CNTN6: variants seen among roughly 807,000 people sequenced by gnomAD.
The protein encoded by CNTN6 is contactin-6.
Under a neutral mutation model 122.8 loss-of-function variants are expected in CNTN6, and 137 were observed. The ratio of observed to expected loss-of-function variants is 1.12; its 90% CI spans 0.97 to 1.29. CNTN6 has a LOEUF of 1.29. Among genes scored for constraint, CNTN6 ranks in the 50% most tolerant of loss-of-function variants. The pLI, the probability that CNTN6 is intolerant of heterozygous loss-of-function variation, is 0.00. For missense variants in CNTN6, 1,634 were observed against 1,223.4 expected (o/e 1.34, Z -5.01); for synonymous variants, 570 against 426.0 (o/e 1.34, Z -4.16).
At chr3:1,131,877 G>A (rs746103006) in intron 1 of CNTN6, among the ~76,000 whole-genome samples, 7 of 152,140 alleles carry the variant, frequency 4.6e-5, no homozygotes, top group African/African-American at 1.2e-4. Flanking sequence ...AAATGTAGCC[G>A]TATATCATTG....
intron 2 of CNTN6, among the ~76,000 whole-genome samples, chr3:1,210,937 C>G (rs375500258): frequency 6.6e-6 from 1 of 152,182 alleles, no homozygotes; most frequent in African/African-American, 2.4e-5. Context: ...ACTTTCTCAG[C>G]GACCCTCACA....
intron 4 of CNTN6, among the ~76,000 whole-genome samples, chr3:1,267,179 T>C (rs934961613): frequency 1.3e-5 from 2 of 151,960 alleles, no homozygotes; most frequent in Non-Finnish European, 2.9e-5. Flanking sequence ...GCAGACTCTG[T>C]TTGCTTGCTC....
intron 2 of CNTN6, among the ~76,000 whole-genome samples, chr3:1,155,300 G>A (rs2092938224): frequency 6.6e-6 from 1 of 152,130 alleles, no homozygotes. Context: ...CTGACGCATG[G>A]TACGCACTCA....
At position 1,319,516 on chromosome 3, in the gene CNTN6, ATTTAG is replaced by A. The variant is rs573605490; in HGVS notation, c.762-2131_762-2127del. 3.0e-3 allele frequency among the ~76,000 whole-genome samples: 460 copies of A among 151,762 alleles called. 4 individuals are homozygous for A. Among genetic ancestry groups the A allele is most frequent in the African/African-American group, 0.011 (438 of 41,486 alleles). Reference sequence around the variant, plus strand: ...TGTCAAAATGTTCAGTTACTTAGGTATTTAGTTATGTTAAAAAATGACTTCTGTCT... The same window carrying A: ...TGTCAAAATGTTCAGTTACTTAGGTATTATGTTAAAAAATGACTTCTGTCT... On this transcript the variant is annotated intron_variant, in intron 7 of 22. Transcript: ENST00000446702.
At chr3:1,321,627 T>C (rs1364108647) in intron 7 of CNTN6, 23 bp from the exon 8 acceptor site, 4 of 1,578,622 alleles carry the variant, frequency 2.5e-6, no homozygotes, top group Non-Finnish European at 3.4e-6. Flanking sequence ...CGTCTTCTAT[T>C]CTAATGAGGT....
intron 1 of CNTN6, among the ~76,000 whole-genome samples, chr3:1,118,011 T>G (rs984568042): frequency 1.3e-5 from 2 of 152,156 alleles, no homozygotes; most frequent in African/African-American, 2.4e-5. Context: ...ACTTCCCAAA[T>G]AAGCCCTTGC....
At chr3:1,356,528 A>G (rs1415001698) in intron 12 of CNTN6, among the ~76,000 whole-genome samples, 1 of 151,846 alleles carries the variant, frequency 6.6e-6, no homozygotes, top group South Asian at 2.1e-4. Flanking sequence ...TCGTGGCTCT[A>G]GAAGGCAGTT....
Position 1,158,407 on chromosome 3 carries a change from G to T in CNTN6, c.55+10344G>T, listed in dbSNP as rs184856908. Reference sequence around the variant, plus strand: ...TAGATTTTTCCCTATGGAGTTGTTTGAGCTCCTTATATATTCTGGTTATTA... The same window carrying T: ...TAGATTTTTCCCTATGGAGTTGTTTTAGCTCCTTATATATTCTGGTTATTA... On this transcript the variant is annotated intron_variant, in intron 2 of 22. Coordinates refer to ENST00000446702, the MANE Select transcript of CNTN6 (RefSeq NM_001289080.2). Among the ~76,000 whole-genome samples the T allele has an allele frequency of 2.0e-3, 301 of 152,170 alleles. 1 individual carries two copies. The highest frequency in any genetic ancestry group is 6.8e-3 in the African/African-American group (281 of 41,508).
chr3:1,226,445 C>T (rs1313008342), intron 3 of CNTN6, among the ~76,000 whole-genome samples: 1 of 152,132 alleles, frequency 6.6e-6, no homozygotes, highest in African/African-American at 2.4e-5. Context: ...AGATCATTCT[C>T]ACCTTCCCCT....
chr3:1,247,607 G>A (rs919402260), intron 4 of CNTN6, among the ~76,000 whole-genome samples: 3 of 152,130 alleles, frequency 2.0e-5, no homozygotes, highest in Non-Finnish European at 4.4e-5. Flanking sequence ...GCAAAGAGCG[G>A]TACATATCTT....
intron 1 of CNTN6, among the ~76,000 whole-genome samples, chr3:1,122,982 G>A (rs1265843215): frequency 6.6e-6 from 1 of 151,668 alleles, no homozygotes; most frequent in Non-Finnish European, 1.5e-5. Flanking sequence ...GTTACAAGGT[G>A]GTTCTATGTG....
chr3:1,254,114 TGTTTTTGC>T (rs1206828388), intron 4 of CNTN6, among the ~76,000 whole-genome samples: 1 of 152,178 alleles, frequency 6.6e-6, no homozygotes, highest in Non-Finnish European at 1.5e-5. Flanking sequence ...TGTGTGTTAA[TGTTTTTGC>T]ATTTTTGCTT....
At chr3:1,282,786 C>T (rs540898049) in intron 5 of CNTN6, among the ~76,000 whole-genome samples, 4 of 152,284 alleles carry the variant, frequency 2.6e-5, no homozygotes, top group Admixed American at 1.3e-4. Flanking sequence ...ACAATTCCCT[C>T]GAGTATCTAT....
chr3:1,385,819 G>T, intron 20 of CNTN6, 22 bp downstream of exon 20: 1 of 1,572,742 alleles, frequency 6.4e-7, no homozygotes, highest in South Asian at 1.2e-5. Flanking sequence ...TACACTCCAG[G>T]AAACAAGATT....
chr3:1,387,046 A>C (rs1201094060), intron 20 of CNTN6, among the ~76,000 whole-genome samples: 1 of 152,218 alleles, frequency 6.6e-6, no homozygotes. Flanking sequence ...TTCTGGGTAC[A>C]TCATTGACTC....
chr3:1,164,489 T>A (rs73818458), intron 2 of CNTN6, among the ~76,000 whole-genome samples: 2 of 151,282 alleles, frequency 1.3e-5, no homozygotes, highest in Admixed American at 6.6e-5. Context: ...TGATTGAACC[T>A]TAACTAGTAT....
chr3:1,386,466 GATGA>G (rs1156431615), intron 20 of CNTN6, among the ~76,000 whole-genome samples: 3 of 152,108 alleles, frequency 2.0e-5, no homozygotes, highest in African/African-American at 7.2e-5. Flanking sequence ...CTACATAAAA[GATGA>G]ATGTTTTTCA....
intron 1 of CNTN6, among the ~76,000 whole-genome samples, chr3:1,102,653 G>T (rs927814882): frequency 6.7e-6 from 1 of 149,806 alleles, no homozygotes; most frequent in Admixed American, 6.6e-5. Flanking sequence ...GCGGGAACCC[G>T]GGGGGCGGAG....
intron 11 of CNTN6, among the ~76,000 whole-genome samples, chr3:1,331,640 C>T (rs1196797071): frequency 6.6e-6 from 1 of 151,930 alleles, no homozygotes; most frequent in Non-Finnish European, 1.5e-5. Context: ...AGAGATCCTG[C>T]AGTATCAAAC....
Sources: allele counts gnomAD v4.1 joint callset (sites outside exome capture counted in the v4.1 genomes callset), GRCh38; gene constraint gnomAD v4.1.1; transcripts MANE v1.5; gene names NCBI Gene and HGNC (gene_info 2026-07-23, HGNC 2026-07-21).